Variants in EPHA3 observed in about 807,000 individuals in gnomAD.
EPHA3 encodes ephrin type-A receptor 3.
EPHA3 carries 42 observed loss-of-function variants against 107.1 expected under a neutral mutation model. That is an observed-to-expected ratio of 0.39 (90% confidence interval 0.31 to 0.51). The LOEUF (loss-of-function observed/expected upper bound fraction) is 0.51, where lower values mean the gene tolerates loss of function less well. Ranked by LOEUF, EPHA3 falls within the 20% of genes least tolerant of loss-of-function variation. The pLI, the probability that EPHA3 is intolerant of heterozygous loss-of-function variation, is 0.78. For missense variants in EPHA3, 1,183 were observed against 1,211.2 expected (o/e 0.98, Z 0.35); for synonymous variants, 461 against 424.8 (o/e 1.09, Z -1.05).
chr3:89,458,957 T>G (rs1710158475), intron 15 of EPHA3, among the ~76,000 whole-genome samples: 1 of 152,054 alleles, frequency 6.6e-6, no homozygotes, highest in Non-Finnish European at 1.5e-5. Context: ...ATGTTCTCAC[T>G]CATAAGTGGG....
intron 5 of EPHA3, among the ~76,000 whole-genome samples, chr3:89,351,491 C>T (rs1707818772): frequency 1.3e-5 from 2 of 150,208 alleles, no homozygotes; most frequent in African/African-American, 4.9e-5. Flanking sequence ...ACGGTGCGCG[C>T]ACCCACTGGC....
rs1178604557 is a variant in EPHA3, at chr3:89,342,048, C to A, written c.1264C>A (p.Pro422Thr). The A allele has an allele frequency of 6.2e-7, 1 of 1,611,460 alleles. No homozygotes were observed. Among genetic ancestry groups the A allele is most frequent in the African/African-American group, 1.4e-5 (1 of 73,932 alleles). The change falls in exon 5 of 17, where the codon CCA (proline) becomes ACA (threonine). Residue 422 changes from proline (P) to threonine (T), a missense_variant. By Grantham distance (38) the Pro-to-Thr change is conservative. Coordinates refer to ENST00000336596, the MANE Select transcript of EPHA3 (RefSeq NM_005233.6). Reference protein sequence around the residue: ...VNGVSELSSPPRQFAAVSITT... With the variant: ...VNGVSELSSPTRQFAAVSITT... The stretch of plus-strand genomic sequence containing the variant: ...TGGGGTGTCAGAGCTGAGCTCCCCA[C>A]CAAGACAGTTTGCTGCGGTCAGCAT...
At chr3:89,331,742 T>A (rs527428989) in intron 3 of EPHA3, among the ~76,000 whole-genome samples, 1 of 152,266 alleles carries the variant, frequency 6.6e-6, no homozygotes, top group African/African-American at 2.4e-5. Context: ...TAAAGGTGGA[T>A]ATTTGATTGG....
At chr3:89,296,335 G>A (rs1455664405) in intron 3 of EPHA3, among the ~76,000 whole-genome samples, 1 of 152,160 alleles carries the variant, frequency 6.6e-6, no homozygotes, top group East Asian at 1.9e-4. Flanking sequence ...AATAAGACAG[G>A]AAAGTCAAAA....
intron 2 of EPHA3, among the ~76,000 whole-genome samples, chr3:89,203,067 A>C (rs764131191): frequency 6.6e-6 from 1 of 152,136 alleles, no homozygotes; most frequent in Non-Finnish European, 1.5e-5. Flanking sequence ...CAGGGGAAGG[A>C]CGACATTTTA....
intron 2 of EPHA3, among the ~76,000 whole-genome samples, chr3:89,174,450 G>C (rs1024748499): frequency 6.6e-6 from 1 of 151,964 alleles, no homozygotes; most frequent in African/African-American, 2.4e-5. Context: ...CTTATTATCT[G>C]TTAGTAGATT....
intron 3 of EPHA3, among the ~76,000 whole-genome samples, chr3:89,337,400 C>T (rs1707418667): frequency 6.6e-6 from 1 of 152,098 alleles, no homozygotes. Context: ...ATTGTACAGT[C>T]TATAAAATAC....
At chr3:89,332,812 T>C (rs895342594) in intron 3 of EPHA3, among the ~76,000 whole-genome samples, 3 of 152,186 alleles carry the variant, frequency 2.0e-5, no homozygotes, top group African/African-American at 7.2e-5. Context: ...AGCTAACGTC[T>C]GAATACTAAA....
rs574467839 is a variant in EPHA3, at chr3:89,254,550, T to C, written c.814+44030T>C. Among the ~76,000 whole-genome samples, 8 of 152,254 alleles carry C rather than the reference T, an allele frequency of 5.3e-5. No individual in the cohort carries two copies. In the South Asian group the frequency reaches 1.7e-3, roughly 32 times the overall value. The stretch of plus-strand genomic sequence containing the variant: ...GATAACATTAAAAAATCCAACCACT[T>C]CCCACTCTGTCGAATTGTACTCAGC... On this transcript the variant is annotated intron_variant, in intron 3 of 16. Transcript: ENST00000336596.
At chr3:89,214,399 C>G (rs1704177022) in intron 3 of EPHA3, among the ~76,000 whole-genome samples, 1 of 151,922 alleles carries the variant, frequency 6.6e-6, no homozygotes, top group African/African-American at 2.4e-5. Flanking sequence ...TGTTACCTTC[C>G]TTGTTTTCTT....
intron 3 of EPHA3, among the ~76,000 whole-genome samples, chr3:89,261,404 T>C (rs1308007730): frequency 1.3e-5 from 2 of 152,132 alleles, no homozygotes; most frequent in African/African-American, 2.4e-5. Flanking sequence ...GCTGTTTCCT[T>C]ACCCCTGGAT....
intron 2 of EPHA3, among the ~76,000 whole-genome samples, chr3:89,164,189 T>C (rs1042451783): frequency 7.9e-5 from 12 of 152,182 alleles, no homozygotes; most frequent in African/African-American, 2.7e-4. Context: ...TTGTCTCCCC[T>C]GGGTCAAATT....
chr3:89,471,061 G>A (rs1265616940), intron 15 of EPHA3, among the ~76,000 whole-genome samples: 7 of 151,924 alleles, frequency 4.6e-5, no homozygotes, highest in African/African-American at 2.4e-5. Context: ...ACTACCTTGT[G>A]CCCAAGCTCC....
chr3:89,317,609 C>A (rs1018415067), intron 3 of EPHA3, among the ~76,000 whole-genome samples: 36 of 151,758 alleles, frequency 2.4e-4, no homozygotes, highest in African/African-American at 8.7e-4. Flanking sequence ...AGGTAAAAAA[C>A]AAATAATCAT....
intron 2 of EPHA3, among the ~76,000 whole-genome samples, chr3:89,203,861 G>T (rs1293450201): frequency 4.6e-5 from 7 of 152,066 alleles, no homozygotes; most frequent in Non-Finnish European, 8.8e-5. Flanking sequence ...GGCTACTTCA[G>T]GTCTTCTCTC....
intron 2 of EPHA3, among the ~76,000 whole-genome samples, chr3:89,136,330 CTTTTTTTTTTTTT>C (rs67054298): frequency 1.7e-4 from 4 of 23,370 alleles, no homozygotes; most frequent in South Asian, 1.7e-3. Flanking sequence ...ATCTTACAGG[CTTTTTTTTTTTTT>C]TTTTTTTTTT....
chr3:89,469,880 T>G (rs1710366217), intron 15 of EPHA3, among the ~76,000 whole-genome samples: 3 of 152,178 alleles, frequency 2.0e-5, no homozygotes, highest in Admixed American at 2.0e-4. Context: ...CCACAAATTC[T>G]AAACTTTGAA....
intron 5 of EPHA3, among the ~76,000 whole-genome samples, chr3:89,365,527 G>GTC (rs1708169903): frequency 6.6e-6 from 1 of 150,742 alleles, no homozygotes; most frequent in Non-Finnish European, 1.5e-5. Context: ...ACACTTGACT[G>GTC]TCTGTGCAGC....
chr3:89,165,541 C>T, intron 2 of EPHA3, among the ~76,000 whole-genome samples: 1 of 152,172 alleles, frequency 6.6e-6, no homozygotes. Flanking sequence ...CTGTGCCTTT[C>T]CTCTTTCCAT....
Sources: gnomAD v4.1 joint callset for allele counts (sites outside exome capture counted in the v4.1 genomes callset) on GRCh38, gnomAD v4.1.1 for gene constraint, MANE v1.5 for transcripts, NCBI Gene and HGNC (gene_info 2026-07-23, HGNC 2026-07-21) for gene names.